The following GALNT2 variants were observed in gnomAD, a reference collection of about 807,000 sequenced individuals.
The protein encoded by GALNT2 is UDP-GalNAc:polypeptide N-acetylgalactosaminyltransferase 2.
Under a neutral mutation model 81.4 loss-of-function variants are expected in GALNT2, and 31 were observed. The ratio of observed to expected loss-of-function variants is 0.38; its 90% CI spans 0.29 to 0.51. The LOEUF (loss-of-function observed/expected upper bound fraction) is 0.51, where lower values mean the gene tolerates loss of function less well. Among genes scored for constraint, GALNT2 ranks in the 20% least tolerant of loss-of-function variants. GALNT2 has a pLI of 0.87. For synonymous variants in GALNT2, 303 were observed against 287.4 expected (o/e 1.05, Z -0.55); for missense variants, 629 against 765.7 (o/e 0.82, Z 2.11).
intron 3 of GALNT2, among the ~76,000 whole-genome samples, chr1:230,225,794 A>G (rs937886335): frequency 2.0e-4 from 31 of 152,036 alleles, no homozygotes; most frequent in African/African-American, 7.0e-4. Context: ...CTGTTTCACT[A>G]ATAACACCTC....
chr1:230,098,541 C>T (rs7531137), intron 1 of GALNT2, among the ~76,000 whole-genome samples: 5,006 of 151,646 alleles, frequency 0.033, 288 homozygotes, highest in African/African-American at 0.11. Flanking sequence ...AAGCAGAAGC[C>T]GCATCTGTGT....
chr1:230,181,333 G>A (rs1210252222), intron 2 of GALNT2, among the ~76,000 whole-genome samples: 2 of 150,076 alleles, frequency 1.3e-5, no homozygotes, highest in Non-Finnish European at 3.0e-5. Flanking sequence ...TGGTTTTTTT[G>A]CATCTATTGA....
intron 2 of GALNT2, among the ~76,000 whole-genome samples, chr1:230,198,694 GC>G (rs1276740711): frequency 1.3e-5 from 2 of 152,194 alleles, no homozygotes; most frequent in African/African-American, 4.8e-5. Context: ...TGTTCTGTCT[GC>G]GGAATAATCA....
At chr1:230,233,587 T>G (rs1348881348) in intron 3 of GALNT2, among the ~76,000 whole-genome samples, 1 of 152,036 alleles carries the variant, frequency 6.6e-6, no homozygotes, top group Non-Finnish European at 1.5e-5. Context: ...CACTCCAGCC[T>G]GGGTGACAAG....
At chr1:230,143,663 G>A (rs4846904) in intron 1 of GALNT2, among the ~76,000 whole-genome samples, 117,681 of 152,140 alleles carry the variant, frequency 0.77, 46,073 homozygotes, top group Admixed American at 0.8. Context: ...GAAAGTGTCA[G>A]CCCCACGCTC....
chr1:230,264,495 C>A (rs945355490), intron 13 of GALNT2: 3 of 152,412 alleles, frequency 2.0e-5, no homozygotes, highest in African/African-American at 7.2e-5. Context: ...TGAGCACCAT[C>A]CTGGCTGGCA....
chr1:230,265,377 TG>T lies in GALNT2; in HGVS notation c.1440+14del. On this transcript the variant is annotated intron_variant, in intron 14 of 15. Transcript: ENST00000366672. ...TGCTGGGGGAAACCAGGTATGTGCA[TG>T]GGGAAGCCAGGTCACCTGCAGGCCC... 1 of 1,614,192 alleles carries T rather than the reference TG, an allele frequency of 6.2e-7. No individual in the cohort carries two copies. Among genetic ancestry groups the T allele is most frequent in the Non-Finnish European group, 8.5e-7 (1 of 1,180,026 alleles).
At chr1:230,217,823 T>C (rs556018456) in intron 3 of GALNT2, among the ~76,000 whole-genome samples, 6 of 152,236 alleles carry the variant, frequency 3.9e-5, no homozygotes, top group Non-Finnish European at 8.8e-5. Context: ...AGGGTCTTCA[T>C]TCCTTTCACA....
chr1:230,246,079 T>C lies in GALNT2; in HGVS notation c.746T>C (p.Val249Ala). The C allele has an allele frequency of 5.6e-6, 9 of 1,613,972 alleles. No homozygotes were observed. Among genetic ancestry groups the C allele is most frequent in the Non-Finnish European group, 7.6e-6 (9 of 1,179,836 alleles). Reference protein sequence around the residue: ...ERVAEDRTRVVSPIIDVINMD... With the variant: ...ERVAEDRTRVASPIIDVINMD... ...GTATTTTAGGACAGGACTCGGGTTG[T>C]GTCACCCATCATCGATGTCATTAAT... The change falls in exon 8 of 16, where the codon GTG becomes GCG. Residue 249 changes from valine to alanine, a missense_variant. Val to Ala is a moderately conservative substitution (Grantham distance 64). Transcript: ENST00000366672.
At chr1:230,198,905 T>G (rs1663797202) in intron 2 of GALNT2, among the ~76,000 whole-genome samples, 1 of 152,220 alleles carries the variant, frequency 6.6e-6, no homozygotes. Flanking sequence ...TCTTTTCTCA[T>G]GTTATTTAAA....
chr1:230,256,848 T>A (rs969649990), intron 11 of GALNT2, among the ~76,000 whole-genome samples: 6 of 151,954 alleles, frequency 3.9e-5, no homozygotes, highest in Non-Finnish European at 8.8e-5. Context: ...GTGAAGAAGG[T>A]AAGATGCAGT....
At chr1:230,246,592 T>A (rs1484798406) in intron 8 of GALNT2, among the ~76,000 whole-genome samples, 1 of 152,152 alleles carries the variant, frequency 6.6e-6, no homozygotes, top group East Asian at 1.9e-4. Flanking sequence ...GTTGCTCAGA[T>A]GGAGACCTGT....
At chr1:230,244,513 A>G (rs1665305556) in intron 7 of GALNT2, among the ~76,000 whole-genome samples, 2 of 116,640 alleles carry the variant, frequency 1.7e-5, no homozygotes, top group African/African-American at 6.7e-5. Flanking sequence ...CTCCCTGGCT[A>G]CGCTCCGCCA....
At chr1:230,185,116 T>C (rs908147387) in intron 2 of GALNT2, among the ~76,000 whole-genome samples, 9 of 152,310 alleles carry the variant, frequency 5.9e-5, no homozygotes, top group African/African-American at 2.2e-4. Context: ...CTGCTTACAT[T>C]ATCTGTCTGT....
intron 1 of GALNT2, among the ~76,000 whole-genome samples, chr1:230,140,715 C>G (rs967161487): frequency 1.3e-5 from 2 of 152,190 alleles, no homozygotes; most frequent in Non-Finnish European, 2.9e-5. Flanking sequence ...ATCATTCGAA[C>G]CTTTCTCCTC....
At chr1:230,241,553 TCTC>T (rs1455698595) in intron 6 of GALNT2, among the ~76,000 whole-genome samples, 1 of 152,082 alleles carries the variant, frequency 6.6e-6, no homozygotes, top group Non-Finnish European at 1.5e-5. Context: ...TTCAAGCAAT[TCTC>T]CTACCTCAGC....
chr1:230,190,324 T>C (rs1468986379), intron 2 of GALNT2, among the ~76,000 whole-genome samples: 1 of 152,242 alleles, frequency 6.6e-6, no homozygotes, highest in Non-Finnish European at 1.5e-5. Context: ...CCCCCATAGC[T>C]GAGACGAAGG....
At chr1:230,160,056 T>C (rs1662383662) in intron 1 of GALNT2, among the ~76,000 whole-genome samples, 1 of 152,192 alleles carries the variant, frequency 6.6e-6, no homozygotes, top group African/African-American at 2.4e-5. Context: ...CCTTAGTTTC[T>C]GCTCACTGAT....
chr1:230,249,884 T>C (rs867647666), intron 9 of GALNT2, among the ~76,000 whole-genome samples: 1 of 152,246 alleles, frequency 6.6e-6, no homozygotes, highest in Admixed American at 6.5e-5. Flanking sequence ...CCCAGCACTT[T>C]ACACTGAATT....
Sources: gnomAD v4.1 joint callset for allele counts (sites outside exome capture counted in the v4.1 genomes callset) on GRCh38, gnomAD v4.1.1 for gene constraint, MANE v1.5 for transcripts, NCBI Gene and HGNC (gene_info 2026-07-23, HGNC 2026-07-21) for gene names.